MARCHF5: variants seen among roughly 807,000 people sequenced by gnomAD.
MARCHF5 encodes E3 ubiquitin-protein ligase MARCHF5.
In MARCHF5, 5 loss-of-function variants were observed where a neutral mutation model predicts 36.5. The observed-to-expected ratio is 0.14, with a 90% CI of 0.07 to 0.29. The LOEUF is 0.29. Ranked by LOEUF, MARCHF5 falls within the 10% of genes least tolerant of loss-of-function variation. The probability of loss-of-function intolerance (pLI) is 1.00; values close to 1 mark genes in which losing one functional copy is unlikely to be tolerated. For synonymous variants in MARCHF5, 103 were observed against 109.9 expected, an observed-to-expected ratio of 0.94 and a Z score of 0.39; for missense variants, 179 against 336.3, an observed-to-expected ratio of 0.53 and a Z score of 3.66.
rs867440869 is a variant in MARCHF5 at position 92,304,557 on chromosome 10, A to T, written c.36-6578A>T. On this transcript the variant is annotated intron_variant, in intron 1 of 5. Coordinates refer to ENST00000358935, the MANE Select transcript of MARCHF5 (RefSeq NM_017824.5). ...ATGAACTTTAACACATTAAAATACA[A>T]GATTTATCAGTTGGCCTGATAACAT... is the stretch of plus-strand genomic sequence containing the variant. Among the ~76,000 whole-genome samples, 18 of 152,340 alleles carry T rather than the reference A, an allele frequency of 1.2e-4. No individual in the cohort carries two copies. In the South Asian group the frequency reaches 2.1e-3, roughly 18 times the overall value.
At chr10:92,331,176 T>G (rs1310349948) in intron 2 of MARCHF5, among the ~76,000 whole-genome samples, 1 of 152,194 alleles carries the variant, frequency 6.6e-6, no homozygotes, top group African/African-American at 2.4e-5. Flanking sequence ...TGCTGCCAGC[T>G]GTTTTTATGT....
At chr10:92,335,423 G>A (rs1843490991) in intron 2 of MARCHF5, among the ~76,000 whole-genome samples, 1 of 152,120 alleles carries the variant, frequency 6.6e-6, no homozygotes, top group African/African-American at 2.4e-5. Flanking sequence ...CCTCCCCTGG[G>A]TGGCAGTTTA....
intron 2 of MARCHF5, among the ~76,000 whole-genome samples, chr10:92,338,069 G>A (rs896546752): frequency 1.3e-5 from 2 of 151,746 alleles, no homozygotes; most frequent in African/African-American, 2.4e-5. Flanking sequence ...GCACATCTGT[G>A]GTCCCAGCTA....
intron 1 of MARCHF5, among the ~76,000 whole-genome samples, chr10:92,294,372 A>G (rs998294496): frequency 2.0e-5 from 3 of 152,176 alleles, no homozygotes; most frequent in Non-Finnish European, 2.9e-5. Context: ...AAAACACTCT[A>G]TGTTAGCCAA....
At chr10:92,294,413 G>A (rs1377511445) in intron 1 of MARCHF5, among the ~76,000 whole-genome samples, 1 of 152,164 alleles carries the variant, frequency 6.6e-6, no homozygotes, top group African/African-American at 2.4e-5. Context: ...ATGTAAACCA[G>A]TTTGGCCATT....
intron 1 of MARCHF5, among the ~76,000 whole-genome samples, chr10:92,305,362 G>A (rs2253904): frequency 0.27 from 40,752 of 151,528 alleles, 6,994 homozygotes; most frequent in South Asian, 0.54. Context: ...AGCTGAGATC[G>A]CACCACTGTA....
chr10:92,346,737 C>G lies in MARCHF5; in HGVS notation c.370-2612C>G, dbSNP rs112594392. Among the ~76,000 whole-genome samples, 233 of 152,114 alleles carry G rather than the reference C, an allele frequency of 1.5e-3. 1 individual carries two copies. The highest frequency in any genetic ancestry group is 6.8e-3 in the Middle Eastern group (2 of 294). ...ACCTCAGGTGATCCGCCTGCCTCAG[C>G]CTCCCAAAGTGCTAGGATTACAATT... On this transcript the variant is annotated intron_variant, in intron 3 of 5. Transcript: ENST00000358935.
At chr10:92,315,663 A>C (rs980419369) in intron 2 of MARCHF5, among the ~76,000 whole-genome samples, 1 of 152,170 alleles carries the variant, frequency 6.6e-6, no homozygotes, top group Non-Finnish European at 1.5e-5. Flanking sequence ...ATAAAATCAT[A>C]CTATTATCAT....
At position 92,351,223 on chromosome 10, in the gene MARCHF5, GT is replaced by G. The variant is rs1843710787; in HGVS notation, c.*18del. ...AGAAGCATAAAACTGACTTCTGGTT[GT>G]TCTGCAGTTCTCTCATCCTTATGAA... On this transcript the variant is annotated 3_prime_UTR_variant, in exon 6 of 6. Transcript: ENST00000358935. The G allele has an allele frequency of 7.0e-7, 1 of 1,423,598 alleles. No homozygotes were observed. The allele number at this position is 1,423,598 out of a possible 1,614,324, so 88.2% of individuals were successfully genotyped here. A position where few individuals can be genotyped will look rare whatever the true frequency, so the allele number is the denominator to read the frequency against.
At chr10:92,347,463 CAGATAGATAGATAGATAGAT>C (rs71025396) in intron 3 of MARCHF5, among the ~76,000 whole-genome samples, 4 of 82,494 alleles carry the variant, frequency 4.8e-5, no homozygotes, top group African/African-American at 1.7e-4. Context: ...AACTCCGTCT[CAGATAGATAGATAGATAGAT>C]AGATAGATAG....
chr10:92,308,345 G>C (rs1214336095), intron 1 of MARCHF5: 1 of 152,128 alleles, frequency 6.6e-6, no homozygotes, highest in Non-Finnish European at 1.5e-5. Flanking sequence ...GACGACCAGG[G>C]GTCACTCGTG....
chr10:92,340,911 C>T (rs1843570624), intron 3 of MARCHF5, 108 bp downstream of exon 3: 1 of 994,824 alleles, frequency 1.0e-6, no homozygotes. Flanking sequence ...ATAACATTCT[C>T]ATGTTCTTTC....
At chr10:92,332,395 C>T (rs1228392258) in intron 2 of MARCHF5, among the ~76,000 whole-genome samples, 1 of 151,812 alleles carries the variant, frequency 6.6e-6, no homozygotes, top group East Asian at 1.9e-4. Context: ...AGAGATGAAA[C>T]TTACATAAGC....
At chr10:92,345,794 A>G (rs1489572772) in intron 3 of MARCHF5, among the ~76,000 whole-genome samples, 4 of 148,594 alleles carry the variant, frequency 2.7e-5, no homozygotes, top group Non-Finnish European at 5.9e-5. Context: ...CCCTGGGCTC[A>G]GGTGATCCTC....
rs569840434 is a variant in MARCHF5, at chr10:92,339,649, G to A, written c.239-1024G>A. 1.6e-4 allele frequency among the ~76,000 whole-genome samples: 24 copies of A among 152,114 alleles called. No individual in the cohort carries two copies. In the East Asian group the frequency reaches 2.9e-3, roughly 18 times the overall value. On this transcript the variant is annotated intron_variant, in intron 2 of 5. Transcript: ENST00000358935. ...CGCACCATTGCACTCCAACCTGGGC[G>A]ACAGAGCGAGACTCCATCTCAAAAA...
chr10:92,291,239 C>A lies in MARCHF5; in HGVS notation c.-256C>A. 1 of 536,492 alleles carries A rather than the reference C, an allele frequency of 1.9e-6. No homozygotes were observed. Among genetic ancestry groups the A allele is most frequent in the Non-Finnish European group, 3.2e-6 (1 of 308,078 alleles). 33.2% of individuals were successfully genotyped at this position (536,492 alleles called of 1,614,324 possible). On this transcript the variant is annotated 5_prime_UTR_variant, in exon 1 of 6. Transcript: ENST00000358935. ...TCCATGGACCGGAACCTCGGGCCGA[C>A]GGACGGGAACCCGGGCCGCGATCGC... is the stretch of plus-strand genomic sequence containing the variant.
chr10:92,343,347 C>G (rs777048309), intron 3 of MARCHF5, among the ~76,000 whole-genome samples: 3 of 152,224 alleles, frequency 2.0e-5, no homozygotes, highest in East Asian at 1.9e-4. Context: ...CCCCCACATT[C>G]ATGACATTTT....
intron 1 of MARCHF5, among the ~76,000 whole-genome samples, chr10:92,307,172 C>T (rs1843083183): frequency 1.6e-5 from 2 of 122,140 alleles, no homozygotes; most frequent in African/African-American, 7.6e-5. Context: ...GGAAAGAAAA[C>T]ATCTGTGTGT....
At chr10:92,320,547 A>G (rs1210549551) in intron 2 of MARCHF5, among the ~76,000 whole-genome samples, 2 of 152,086 alleles carry the variant, frequency 1.3e-5, no homozygotes, top group Non-Finnish European at 2.9e-5. Flanking sequence ...CAATGATATT[A>G]ATTGATGATC....
Sources: allele counts gnomAD v4.1 joint callset (sites outside exome capture counted in the v4.1 genomes callset), GRCh38; gene constraint gnomAD v4.1.1; transcripts MANE v1.5; gene names NCBI Gene and HGNC (gene_info 2026-07-23, HGNC 2026-07-21).